The following ZSWIM5 variants were observed in gnomAD, a reference collection of about 807,000 sequenced individuals.
ZSWIM5 encodes zinc finger SWIM-type containing 5.
A neutral mutation model predicts 119.6 loss-of-function variants in ZSWIM5; 55 were observed. That is an observed-to-expected ratio of 0.46 (90% CI 0.37 to 0.58). The LOEUF (loss-of-function observed/expected upper bound fraction) is 0.58. ZSWIM5 is among the 20% of genes least tolerant of loss of function. The pLI, the probability that ZSWIM5 is intolerant of heterozygous loss-of-function variation, is 0.00. For synonymous variants in ZSWIM5, 537 were observed against 606.9 expected (o/e 0.88, Z 1.69); for missense variants, 1,193 against 1,512.8 (o/e 0.79, Z 3.51).
intron 4 of ZSWIM5, among the ~76,000 whole-genome samples, chr1:45,051,831 G>T (rs1447391413): frequency 6.6e-6 from 1 of 152,074 alleles, no homozygotes; most frequent in Non-Finnish European, 1.5e-5. Context: ...TACCTACTTT[G>T]TAGGGATATT....
intron 1 of ZSWIM5, among the ~76,000 whole-genome samples, chr1:45,196,042 T>G (rs1027970069): frequency 6.9e-6 from 1 of 144,910 alleles, no homozygotes. Context: ...TAGTTTTTTT[T>G]TTTTTTTTTT....
At chr1:45,080,463 C>T (rs1427072146) in intron 2 of ZSWIM5, among the ~76,000 whole-genome samples, 1 of 152,174 alleles carries the variant, frequency 6.6e-6, no homozygotes, top group Non-Finnish European at 1.5e-5. Flanking sequence ...TTTCCCAGTG[C>T]ACCAAAATGC....
intron 1 of ZSWIM5, among the ~76,000 whole-genome samples, chr1:45,124,158 A>G (rs1054371584): frequency 3.3e-5 from 5 of 152,052 alleles, no homozygotes; most frequent in African/African-American, 1.2e-4. Context: ...ATCTCAAAAC[A>G]CCAAGAAGAA....
chr1:45,037,462 T>A (rs769256641), intron 8 of ZSWIM5, among the ~76,000 whole-genome samples: 5 of 152,296 alleles, frequency 3.3e-5, no homozygotes, highest in Non-Finnish European at 7.3e-5. Flanking sequence ...AAGTATAAAA[T>A]CTTATATTTT....
At chr1:45,165,463 G>A (rs1246042662) in intron 1 of ZSWIM5, among the ~76,000 whole-genome samples, 3 of 151,952 alleles carry the variant, frequency 2.0e-5, no homozygotes, top group African/African-American at 4.8e-5. Context: ...AAATAACTAA[G>A]GTCAGAGCAG....
chr1:45,205,082 T>C (rs1287930872), intron 1 of ZSWIM5, among the ~76,000 whole-genome samples: 1 of 151,370 alleles, frequency 6.6e-6, no homozygotes, highest in Non-Finnish European at 1.5e-5. Flanking sequence ...TACCCCAGTC[T>C]GACAAGGAAG....
intron 1 of ZSWIM5, among the ~76,000 whole-genome samples, chr1:45,100,060 A>G (rs1557765574): frequency 6.6e-6 from 1 of 152,194 alleles, no homozygotes; most frequent in Admixed American, 6.5e-5. Context: ...CAATCAGGCA[A>G]GAGAAAGAAA....
chr1:45,098,811 C>T (rs60476403), intron 1 of ZSWIM5, among the ~76,000 whole-genome samples: 3,073 of 152,208 alleles, frequency 0.02, 118 homozygotes, highest in African/African-American at 0.07. Context: ...GGGTACATAA[C>T]TAAATGAAGG....
chr1:45,027,365 A>C (rs1644926855), intron 11 of ZSWIM5, among the ~76,000 whole-genome samples: 1 of 151,802 alleles, frequency 6.6e-6, no homozygotes, highest in African/African-American at 2.4e-5. Flanking sequence ...AACTTAGATG[A>C]TTGATTTTAT....
At chr1:45,190,618 G>C (rs61789773) in intron 1 of ZSWIM5, among the ~76,000 whole-genome samples, 1 of 152,136 alleles carries the variant, frequency 6.6e-6, no homozygotes, top group African/African-American at 2.4e-5. Flanking sequence ...CAGGACCAAG[G>C]CATTTATTCC....
intron 1 of ZSWIM5, among the ~76,000 whole-genome samples, chr1:45,183,904 C>T (rs941713111): frequency 1.3e-5 from 2 of 152,172 alleles, no homozygotes; most frequent in Non-Finnish European, 2.9e-5. Flanking sequence ...TTTTATGAGG[C>T]CAGCATCATC....
chr1:45,077,475 C>T (rs995586431), intron 2 of ZSWIM5, among the ~76,000 whole-genome samples: 1 of 152,136 alleles, frequency 6.6e-6, no homozygotes, highest in Non-Finnish European at 1.5e-5. Flanking sequence ...TGACAGACAT[C>T]AAGTACTTAA....
chr1:45,184,465 G>A (rs943638763), intron 1 of ZSWIM5, among the ~76,000 whole-genome samples: 1 of 152,206 alleles, frequency 6.6e-6, no homozygotes, highest in Non-Finnish European at 1.5e-5. Context: ...AATTGTCCCT[G>A]TTTGCAGATG....
intron 1 of ZSWIM5, among the ~76,000 whole-genome samples, chr1:45,154,108 C>T (rs903810102): frequency 6.6e-6 from 1 of 152,068 alleles, no homozygotes; most frequent in African/African-American, 2.4e-5. Context: ...ATGACACAAA[C>T]AAATGGAAAC....
Position 45,036,231 on chromosome 1 carries a change from C to T in ZSWIM5, c.1963G>A (p.Glu655Lys), listed in dbSNP as rs770875965. ...PVAAGSPNSS[E>K]SYLSLALEVA... ...TCCAGGGCCAATGACAGGTAGGACT[C>T]ACTGCTGTTTGGGGAGCCTGCAGCC... is the stretch of plus-strand genomic sequence containing the variant. The change falls in exon 9 of 14, where the codon GAG becomes AAG. Residue 655 changes from glutamate (E) to lysine (K), a missense_variant. This residue lies in a region of ZSWIM5 where 961 missense variants were observed against 1,290.0 expected (regional missense o/e 0.74). Transcript: ENST00000359600. 6.2e-7 allele frequency: 1 copy of T among 1,614,092 alleles called. No homozygotes were observed. Among genetic ancestry groups the T allele is most frequent in the Admixed American group, 1.7e-5 (1 of 60,010 alleles).
chr1:45,185,509 A>C (rs1322076735), intron 1 of ZSWIM5, among the ~76,000 whole-genome samples: 1 of 152,172 alleles, frequency 6.6e-6, no homozygotes, highest in Admixed American at 6.5e-5. Flanking sequence ...CATCTGACAA[A>C]GGGCTAATAT....
intron 2 of ZSWIM5, among the ~76,000 whole-genome samples, chr1:45,075,843 GT>G (rs1429451749): frequency 1.5e-5 from 2 of 135,710 alleles, no homozygotes; most frequent in African/African-American, 2.8e-5. Context: ...ATATGATTTA[GT>G]TTCTTACTTT....
chr1:45,053,621 G>A (rs1645103083), intron 4 of ZSWIM5, among the ~76,000 whole-genome samples: 2 of 151,914 alleles, frequency 1.3e-5, no homozygotes, highest in African/African-American at 2.4e-5. Context: ...AAATTAGCCA[G>A]GCATCATAGT....
At chr1:45,177,413 T>C (rs553517280) in intron 1 of ZSWIM5, among the ~76,000 whole-genome samples, 9 of 152,226 alleles carry the variant, frequency 5.9e-5, no homozygotes, top group Non-Finnish European at 1.0e-4. Flanking sequence ...GTACTTAAGT[T>C]TGCAGGTTAT....
Sources: gnomAD v4.1 joint callset for allele counts (sites outside exome capture counted in the v4.1 genomes callset) on GRCh38, gnomAD v4.1.1 for gene constraint, gnomAD v4.1.1 regional missense constraint, MANE v1.5 for transcripts, NCBI Gene and HGNC (gene_info 2026-07-23, HGNC 2026-07-21) for gene names.